The following MRPS9 variants were observed in gnomAD, a reference collection of about 807,000 sequenced individuals.
The protein encoded by MRPS9 is mitochondrial ribosomal protein S9.
In MRPS9, 45 loss-of-function variants were observed where a neutral mutation model predicts 59.9. The ratio of observed to expected loss-of-function variants is 0.75; its 90% CI spans 0.59 to 0.96. The LOEUF (loss-of-function observed/expected upper bound fraction) is 0.96, where lower values mean the gene tolerates loss of function less well. MRPS9 is among the 40% of genes least tolerant of loss of function. The probability of loss-of-function intolerance (pLI) is 0.00; values close to 1 mark genes in which losing one functional copy is unlikely to be tolerated. For synonymous variants in MRPS9, 171 were observed against 166.8 expected, an observed-to-expected ratio of 1.03 and a Z score of -0.19; for missense variants, 473 against 481.1, an observed-to-expected ratio of 0.98 and a Z score of 0.16.
chr2:105,070,093 GTTT>G (rs1680086993), intron 2 of MRPS9, among the ~76,000 whole-genome samples: 1 of 152,072 alleles, frequency 6.6e-6, no homozygotes, highest in Non-Finnish European at 1.5e-5. Flanking sequence ...ACAAAAAAGA[GTTT>G]GCTAAAGGGG....
At chr2:105,081,618 C>G (rs556543661) in intron 5 of MRPS9, among the ~76,000 whole-genome samples, 19 of 152,280 alleles carry the variant, frequency 1.2e-4, no homozygotes, top group African/African-American at 4.6e-4. Context: ...TATAAGAGAC[C>G]TAACTTTTCT....
At chr2:105,080,121 C>A in intron 5 of MRPS9, 59 bp downstream of exon 5, 2 of 1,233,366 alleles carry the variant, frequency 1.6e-6, no homozygotes, top group Non-Finnish European at 2.3e-6. Flanking sequence ...ACTAATTATA[C>A]TGGATACTGT....
intron 10 of MRPS9, among the ~76,000 whole-genome samples, chr2:105,097,809 T>G (rs1031332632): frequency 3.9e-5 from 6 of 152,198 alleles, no homozygotes; most frequent in Non-Finnish European, 7.3e-5. Context: ...CGAGCAATCC[T>G]CCTGCCTCGG....
intron 2 of MRPS9, among the ~76,000 whole-genome samples, chr2:105,052,344 C>T (rs1158790639): frequency 2.0e-5 from 3 of 152,020 alleles, no homozygotes; most frequent in Non-Finnish European, 4.4e-5. Context: ...GTTTTTGTCA[C>T]GAAATGGTAT....
At chr2:105,045,586 C>T (rs1679577864) in intron 1 of MRPS9, among the ~76,000 whole-genome samples, 1 of 151,642 alleles carries the variant, frequency 6.6e-6, no homozygotes, top group Non-Finnish European at 1.5e-5. Flanking sequence ...GAAAGGGTTG[C>T]AATATTATGA....
In MRPS9 at chr2:105,089,169, C is replaced by T; in HGVS notation, c.575+100C>T. The T allele has an allele frequency of 8.8e-6, 7 of 796,066 alleles. No individual in the cohort carries two copies. In the South Asian group the frequency reaches 1.1e-4, roughly 13 times the overall value. The allele number at this position is 796,066 out of a possible 1,614,324, so 49.3% of individuals were successfully genotyped here. ...ACATACCTGAAGCCTAAAATTTGTTCAGTATTTCAGCATTAAGCATTAAGG... is the reference window on the plus strand; with the variant it reads ...ACATACCTGAAGCCTAAAATTTGTTTAGTATTTCAGCATTAAGCATTAAGG... On this transcript the variant is annotated intron_variant, in intron 6 of 10. Coordinates refer to ENST00000258455, the MANE Select transcript of MRPS9 (RefSeq NM_182640.3).
At chr2:105,097,609 T>C (rs915732717) in intron 10 of MRPS9, among the ~76,000 whole-genome samples, 1 of 152,236 alleles carries the variant, frequency 6.6e-6, no homozygotes, top group African/African-American at 2.4e-5. Context: ...TTGGCCTTAA[T>C]GCATAACCTT....
In MRPS9 at chr2:105,090,581, A is replaced by C. The variant is rs185697236; in HGVS notation, c.651+586A>C. 1.5e-3 allele frequency among the ~76,000 whole-genome samples: 229 copies of C among 152,332 alleles called. 2 individuals are homozygous for C. The highest frequency in any genetic ancestry group is 7.7e-4 in the East Asian group (4 of 5,184). On this transcript the variant is annotated intron_variant, in intron 7 of 10. Transcript: ENST00000258455. ...GAGTTACCGAGGAATCTTTTTAACC[A>C]ACTTTCCAGGCGAATCTTATACCCT...
At chr2:105,038,904 T>C (rs1679442551) in intron 1 of MRPS9, among the ~76,000 whole-genome samples, 1 of 152,178 alleles carries the variant, frequency 6.6e-6, no homozygotes, top group South Asian at 2.1e-4. Flanking sequence ...GGATTTCCAG[T>C]AGGTCTACGG....
In MRPS9 at chr2:105,055,580, A is replaced by T. The variant is rs567447378; in HGVS notation, c.315+6230A>T. On this transcript the variant is annotated intron_variant, in intron 2 of 10. Transcript: ENST00000258455. The stretch of plus-strand genomic sequence containing the variant: ...CTTTTGGTATTGCATTTTATTAAAT[A>T]TAGCGGACCCCTTTTGGTATTGCAT... Among the ~76,000 whole-genome samples the T allele has an allele frequency of 8.7e-5, 13 of 150,254 alleles. 1 individual carries two copies. Among genetic ancestry groups the T allele is most frequent in the Non-Finnish European group, 1.6e-4 (11 of 67,350 alleles).
In MRPS9 at chr2:105,099,084, T is replaced by TAA. The variant is rs547879711; in HGVS notation, c.1100-585_1100-584insAA. 3.7e-3 allele frequency among the ~76,000 whole-genome samples: 564 copies of TAA among 152,336 alleles called. 2 individuals are homozygous for TAA. The highest frequency in any genetic ancestry group is 0.017 in the Middle Eastern group (5 of 294). ...GTGCTGAGAATACAACTCTAAAACT[T>TAA]ATTTTTTAGATTCTAAAACAAAAAA... On this transcript the variant is annotated intron_variant, in intron 10 of 10. Transcript: ENST00000258455.
At chr2:105,089,777 T>C (rs878905150) in intron 6 of MRPS9, 143 bp from the exon 7 acceptor site, 1 of 503,992 alleles carries the variant, frequency 2.0e-6, no homozygotes, top group Non-Finnish European at 3.5e-6. Context: ...ATGTCAAAAA[T>C]AGCTTAGTTG....
At chr2:105,062,639 A>G (rs566526403) in intron 2 of MRPS9, among the ~76,000 whole-genome samples, 15 of 152,378 alleles carry the variant, frequency 9.8e-5, no homozygotes, top group African/African-American at 3.6e-4. Flanking sequence ...TGAAGTTTAA[A>G]AAACCTTGCT....
At chr2:105,055,686 C>A (rs533843833) in intron 2 of MRPS9, among the ~76,000 whole-genome samples, 1 of 152,220 alleles carries the variant, frequency 6.6e-6, no homozygotes, top group Admixed American at 6.5e-5. Flanking sequence ...CAGTGACAAC[C>A]GTTACCAAAG....
In MRPS9 at chr2:105,053,158, T is replaced by C. The variant is rs1679741557; in HGVS notation, c.315+3808T>C. On this transcript the variant is annotated intron_variant, in intron 2 of 10. Transcript: ENST00000258455. Reference sequence around the variant, plus strand: ...AATTTTGTAATTTTATCTGAAGGTATAAGTATTTTCACAGTGTAAGTATTA... The same window carrying C: ...AATTTTGTAATTTTATCTGAAGGTACAAGTATTTTCACAGTGTAAGTATTA... 2.0e-5 allele frequency among the ~76,000 whole-genome samples: 3 copies of C among 152,358 alleles called. No individual in the cohort carries two copies. In the South Asian group the frequency reaches 6.2e-4, roughly 32 times the overall value.
intron 8 of MRPS9, 41 bp downstream of exon 8, chr2:105,092,610 T>C: frequency 7.1e-7 from 1 of 1,417,184 alleles, no homozygotes; most frequent in East Asian, 2.5e-5. Context: ...TCAGTGAAGG[T>C]TGAAAAACTA....
intron 7 of MRPS9, chr2:105,091,489 G>A: frequency 2.4e-6 from 1 of 409,436 alleles, no homozygotes; most frequent in Non-Finnish European, 5.2e-6. Flanking sequence ...TTACATCATA[G>A]GAAGCTGTAG....
At chr2:105,064,619 AG>A (rs993666647) in intron 2 of MRPS9, among the ~76,000 whole-genome samples, 40 of 152,144 alleles carry the variant, frequency 2.6e-4, no homozygotes, top group Admixed American at 2.6e-3. Context: ...AAGGATGGGG[AG>A]GGAACGGAAT....
At chr2:105,056,356 T>C (rs1679791564) in intron 2 of MRPS9, among the ~76,000 whole-genome samples, 2 of 152,174 alleles carry the variant, frequency 1.3e-5, no homozygotes, top group Admixed American at 6.5e-5. Flanking sequence ...AGTATTTTCC[T>C]TTTTAGTATG....
Sources: gnomAD v4.1 joint callset for allele counts (sites outside exome capture counted in the v4.1 genomes callset) on GRCh38, gnomAD v4.1.1 for gene constraint, MANE v1.5 for transcripts, NCBI Gene and HGNC (gene_info 2026-07-23, HGNC 2026-07-21) for gene names.